The following PIGU variants were observed in gnomAD, a reference collection of about 807,000 sequenced individuals.
PIGU encodes the protein phosphatidylinositol glycan anchor biosynthesis class U, also known as GPI-anchor transamidase component PIGU.
In PIGU, 24 loss-of-function variants were observed where a neutral mutation model predicts 49.9. The ratio of observed to expected loss-of-function variants is 0.48; its 90% CI spans 0.35 to 0.68. PIGU has a LOEUF of 0.68. Among genes scored for constraint, PIGU ranks in the 30% least tolerant of loss-of-function variants. PIGU has a pLI of 0.01. For synonymous variants in PIGU, 220 were observed against 205.7 expected (o/e 1.07, Z -0.59); for missense variants, 490 against 532.6 (o/e 0.92, Z 0.79).
chr20:34,646,155 A>G (rs955375621), intron 2 of PIGU, among the ~76,000 whole-genome samples: 8 of 152,158 alleles, frequency 5.3e-5, no homozygotes, highest in Non-Finnish European at 1.0e-4. Flanking sequence ...AAATTCACTC[A>G]CTGTGAAGCC....
At chr20:34,615,753 G>A (rs1984979911) in intron 7 of PIGU, among the ~76,000 whole-genome samples, 2 of 152,248 alleles carry the variant, frequency 1.3e-5, no homozygotes, top group Non-Finnish European at 2.9e-5. Flanking sequence ...TTATTCGACA[G>A]AAAAAACATA....
intron 4 of PIGU, chr20:34,643,686 T>C (rs6059961): frequency 0.85 from 129,211 of 152,426 alleles, 54,942 homozygotes; most frequent in Admixed American, 0.92. Context: ...TTAATACATG[T>C]CAAATTTTCC....
chr20:34,671,314 T>C (rs977020053), intron 1 of PIGU, among the ~76,000 whole-genome samples: 1 of 151,990 alleles, frequency 6.6e-6, no homozygotes, highest in Non-Finnish European at 1.5e-5. Context: ...CAGGCTGGAG[T>C]GCAATGGCGC....
At chr20:34,659,591 C>T (rs562692271) in intron 1 of PIGU, among the ~76,000 whole-genome samples, 38 of 151,916 alleles carry the variant, frequency 2.5e-4, no homozygotes, top group Non-Finnish European at 5.1e-4. Flanking sequence ...ATGACAATGG[C>T]GGTTTTGTGG....
intron 6 of PIGU, among the ~76,000 whole-genome samples, chr20:34,625,603 C>T (rs1985449697): frequency 6.7e-6 from 1 of 150,198 alleles, no homozygotes; most frequent in South Asian, 2.1e-4. Context: ...GCTTAGAGTT[C>T]AAGACTAGCC....
chr20:34,610,605 A>G (rs968680500), intron 7 of PIGU, among the ~76,000 whole-genome samples: 1 of 152,228 alleles, frequency 6.6e-6, no homozygotes, highest in Non-Finnish European at 1.5e-5. Flanking sequence ...AGGAAGAATC[A>G]ATATCATGAA....
At chr20:34,650,698 C>CTTTTTTTTTTTT (rs1568658806) in intron 2 of PIGU, among the ~76,000 whole-genome samples, 13 of 43,948 alleles carry the variant, frequency 3.0e-4, no homozygotes, top group Admixed American at 2.4e-4. Context: ...TTCTTTTTTT[C>CTTTTTTTTTTTT]TCTTTTTTTT....
At chr20:34,658,417 C>T (rs183658701) in intron 1 of PIGU, among the ~76,000 whole-genome samples, 1 of 152,208 alleles carries the variant, frequency 6.6e-6, no homozygotes, top group Non-Finnish European at 1.5e-5. Flanking sequence ...GCCGCCACCC[C>T]GTCTGGGAAG....
In PIGU at chr20:34,634,702, G is replaced by C; in HGVS notation, c.442C>G (p.Pro148Ala). 1 of 1,612,140 alleles carries C rather than the reference G, an allele frequency of 6.2e-7. No individual in the cohort carries two copies. The highest frequency in any genetic ancestry group is 8.5e-7 in the Non-Finnish European group (1 of 1,178,596). Residue 148 changes from proline (P) to alanine (A), a missense_variant, in exon 6 of 12, where the codon CCT becomes GCT. Pro to Ala is a conservative substitution (Grantham distance 27, BLOSUM62 -1). Coordinates refer to ENST00000217446, the MANE Select transcript of PIGU (RefSeq NM_080476.5). ...LKVALFYLLN[P>A]YTILSCVAKS... The stretch of plus-strand genomic sequence containing the variant: ...GCAACACAAGACAAAATCGTGTAAG[G>C]ATTTAAGAGATAGCTGGGGAAGAAC...
At chr20:34,607,430 A>T (rs1230141373) in intron 7 of PIGU, among the ~76,000 whole-genome samples, 2 of 152,210 alleles carry the variant, frequency 1.3e-5, no homozygotes, top group Non-Finnish European at 2.9e-5. Flanking sequence ...GCTTGATTTC[A>T]GACGGACACC....
chr20:34,649,888 AC>A (rs1439275480), intron 2 of PIGU, among the ~76,000 whole-genome samples: 1 of 129,512 alleles, frequency 7.7e-6, no homozygotes, highest in Non-Finnish European at 1.6e-5. Context: ...TCACTCTGTC[AC>A]CCAGGCTGGA....
intron 7 of PIGU, among the ~76,000 whole-genome samples, chr20:34,592,436 A>C (rs941241860): frequency 2.6e-5 from 3 of 116,594 alleles, no homozygotes; most frequent in African/African-American, 8.5e-5. Flanking sequence ...AGAATAATTA[A>C]GAAAAAAAAA....
At chr20:34,616,495 C>T (rs947699645) in intron 6 of PIGU, among the ~76,000 whole-genome samples, 1 of 152,134 alleles carries the variant, frequency 6.6e-6, no homozygotes, top group African/African-American at 2.4e-5. Context: ...ATTTATTAAG[C>T]CTACAATTAT....
At chr20:34,667,021 T>C (rs1442485965) in intron 1 of PIGU, among the ~76,000 whole-genome samples, 2 of 152,018 alleles carry the variant, frequency 1.3e-5, no homozygotes, top group Non-Finnish European at 2.9e-5. Flanking sequence ...TTCTTATTTT[T>C]TGTAGAGATG....
At chr20:34,602,730 T>C (rs950476507) in intron 7 of PIGU, among the ~76,000 whole-genome samples, 1 of 152,136 alleles carries the variant, frequency 6.6e-6, no homozygotes, top group Non-Finnish European at 1.5e-5. Flanking sequence ...ACATAGAATA[T>C]AAAGCTTAAT....
intron 8 of PIGU, among the ~76,000 whole-genome samples, chr20:34,586,924 T>C (rs565987985): frequency 9.0e-4 from 137 of 152,274 alleles, no homozygotes; most frequent in African/African-American, 3.0e-3. Context: ...ATGCTGGAGG[T>C]TGCAAATTTT....
chr20:34,585,438 T>C lies in PIGU; in HGVS notation c.925A>G (p.Lys309Glu). ...FYTIPLAIKL[K>E]EHPIFFMFIQ... ...GCAGCAGCAGGTCCAGCCACTTACT[T>C]TAGCTTTATGGCTAAGGGGATGGTG... The change falls in exon 9 of 12, where the codon AAG becomes GAG. Residue 309 changes from lysine to glutamate, a missense_variant and splice_region_variant. By Grantham distance (56) the Lys-to-Glu change is moderately conservative. Transcript: ENST00000217446. The C allele has an allele frequency of 1.2e-6, 2 of 1,614,152 alleles. No individual in the cohort carries two copies. Among genetic ancestry groups the C allele is most frequent in the Non-Finnish European group, 8.5e-7 (1 of 1,179,980 alleles).
At chr20:34,568,152 C>A (rs7273842) in intron 11 of PIGU, among the ~76,000 whole-genome samples, 1 of 152,196 alleles carries the variant, frequency 6.6e-6, no homozygotes. Context: ...GGCCAGCGAG[C>A]CAGGACAGAC....
rs1984592263 is a variant in PIGU, at chr20:34,605,859, G to A, written c.627+10183C>T. Among the ~76,000 whole-genome samples, 2 of 152,100 alleles carry A rather than the reference G, an allele frequency of 1.3e-5. 1 individual carries two copies. Among genetic ancestry groups the A allele is most frequent in the South Asian group, 4.2e-4 (2 of 4,818 alleles). On this transcript the variant is annotated intron_variant, in intron 7 of 11. Transcript: ENST00000217446. ...TTTATTTTTGCTGAACCATGTAAAA[G>A]TTGAACACATCATGACATTTCTCTC...
Sources: allele counts gnomAD v4.1 joint callset (sites outside exome capture counted in the v4.1 genomes callset), GRCh38; gene constraint gnomAD v4.1.1; transcripts MANE v1.5; gene names NCBI Gene and HGNC (gene_info 2026-07-23, HGNC 2026-07-21).